The following MOB3B variants were observed in gnomAD, a reference collection of about 807,000 sequenced individuals.
MOB3B encodes the protein MOB kinase activator-like 2B.
Under a neutral mutation model 18.7 loss-of-function variants are expected in MOB3B, and 7 were observed. That is an observed-to-expected ratio of 0.37 (90% CI 0.21 to 0.70). The LOEUF (loss-of-function observed/expected upper bound fraction) is 0.70. Among genes scored for constraint, MOB3B ranks in the 30% least tolerant of loss-of-function variants. The pLI is 0.52. For missense variants in MOB3B, 253 were observed against 281.3 expected (o/e 0.90, Z 0.72); for synonymous variants, 111 against 99.9 (o/e 1.11, Z -0.66).
chr9:27,524,517 C>A (rs375380680), intron 1 of MOB3B: 1 of 1,614,052 alleles, frequency 6.2e-7, no homozygotes, highest in Non-Finnish European at 8.5e-7. Context: ...AGAATGTCTA[C>A]GAGAAAACAT....
At chr9:27,419,280 A>T (rs1441577271) in intron 2 of MOB3B, among the ~76,000 whole-genome samples, 1 of 152,144 alleles carries the variant, frequency 6.6e-6, no homozygotes, top group Non-Finnish European at 1.5e-5. Context: ...TACCACCATC[A>T]TTCTTCACAT....
rs80012099 is a variant in MOB3B, at chr9:27,491,959, T to C, written c.-198-36211A>G. On this transcript the variant is annotated intron_variant, in intron 1 of 3. Transcript: ENST00000262244. ...ATATCACTACTTTTATAGGCATATC[T>C]CTTTTAAAGTCTTGTCTGAGATACC... Among the ~76,000 whole-genome samples, 16 of 152,370 alleles carry C rather than the reference T, an allele frequency of 1.1e-4. No homozygotes were observed. In the East Asian group the frequency reaches 2.7e-3, roughly 26 times the overall value.
chr9:27,480,568 A>G lies in MOB3B; in HGVS notation c.-198-24820T>C, dbSNP rs113090315. Among the ~76,000 whole-genome samples the G allele has an allele frequency of 1.6e-3, 250 of 152,168 alleles. 3 individuals carry two copies. The highest frequency in any genetic ancestry group is 5.3e-3 in the African/African-American group (220 of 41,534). ...GACTGCCTCAGCCTCCCAAAGTGCT[A>G]GGATTACAGATGTGAGCCACCGTGC... is the stretch of plus-strand genomic sequence containing the variant. On this transcript the variant is annotated intron_variant, in intron 1 of 3. Transcript: ENST00000262244.
chr9:27,463,408 C>G (rs577716820), intron 1 of MOB3B, among the ~76,000 whole-genome samples: 1 of 152,024 alleles, frequency 6.6e-6, no homozygotes, highest in Non-Finnish European at 1.5e-5. Context: ...CTTAAAAGTG[C>G]CTCTTTAGAC....
At chr9:27,398,823 C>A (rs1398510560) in intron 2 of MOB3B, among the ~76,000 whole-genome samples, 3 of 152,150 alleles carry the variant, frequency 2.0e-5, no homozygotes, top group African/African-American at 7.2e-5. Flanking sequence ...AAGAGAGATA[C>A]CAGGGACTGT....
chr9:27,472,761 T>C (rs926335431), intron 1 of MOB3B, among the ~76,000 whole-genome samples: 3 of 151,660 alleles, frequency 2.0e-5, no homozygotes, highest in Non-Finnish European at 4.4e-5. Context: ...ATGATTCTAA[T>C]TCCTTTTGGA....
At chr9:27,426,686 C>T (rs78865590) in intron 2 of MOB3B, among the ~76,000 whole-genome samples, 1 of 152,198 alleles carries the variant, frequency 6.6e-6, no homozygotes, top group African/African-American at 2.4e-5. Context: ...CACTGTCCCC[C>T]CCTGCCCGAC....
At chr9:27,363,699 T>C (rs926059840) in intron 2 of MOB3B, among the ~76,000 whole-genome samples, 49 of 152,264 alleles carry the variant, frequency 3.2e-4, no homozygotes, top group African/African-American at 1.2e-3. Context: ...CTATAGGTTC[T>C]ATGGTGTCAG....
At chr9:27,524,757 G>A in intron 1 of MOB3B, 1 of 1,613,854 alleles carries the variant, frequency 6.2e-7, no homozygotes, top group Admixed American at 1.7e-5. Context: ...AGACATGAAA[G>A]AAATGAAAGA....
At chr9:27,378,216 A>T (rs1821519597) in intron 2 of MOB3B, 2 of 376,526 alleles carry the variant, frequency 5.3e-6, no homozygotes, top group Admixed American at 6.2e-5. Flanking sequence ...TTTCTGACCT[A>T]CACAATGAGT....
intron 3 of MOB3B, among the ~76,000 whole-genome samples, chr9:27,346,028 A>C (rs1022028260): frequency 6.6e-6 from 1 of 152,178 alleles, no homozygotes; most frequent in Non-Finnish European, 1.5e-5. Context: ...CCAGTGTAAT[A>C]GTATTAAGAG....
intron 2 of MOB3B, among the ~76,000 whole-genome samples, chr9:27,368,012 G>C (rs896609900): frequency 2.0e-5 from 3 of 152,032 alleles, no homozygotes; most frequent in Non-Finnish European, 2.9e-5. Context: ...TAATAAGAGG[G>C]ATGTGAAAAT....
At chr9:27,409,209 G>T (rs558359883) in intron 2 of MOB3B, among the ~76,000 whole-genome samples, 4 of 152,290 alleles carry the variant, frequency 2.6e-5, no homozygotes, top group Admixed American at 6.5e-5. Flanking sequence ...TATGGATCAG[G>T]GATATGTTGG....
intron 2 of MOB3B, among the ~76,000 whole-genome samples, chr9:27,418,373 A>AT (rs1279079386): frequency 6.6e-6 from 1 of 152,040 alleles, no homozygotes; most frequent in Non-Finnish European, 1.5e-5. Flanking sequence ...CCAGGAAAAA[A>AT]TATAACCAAA....
intron 1 of MOB3B, among the ~76,000 whole-genome samples, chr9:27,498,693 A>G (rs570276520): frequency 6.6e-6 from 1 of 152,350 alleles, no homozygotes; most frequent in East Asian, 1.9e-4. Flanking sequence ...CTGGGGTCTC[A>G]TCCCAGAGAC....
At chr9:27,400,523 T>A (rs1157253359) in intron 2 of MOB3B, among the ~76,000 whole-genome samples, 1 of 152,238 alleles carries the variant, frequency 6.6e-6, no homozygotes. Flanking sequence ...GGTAAAGCCT[T>A]CCCTAATGTC....
intron 2 of MOB3B, among the ~76,000 whole-genome samples, chr9:27,362,403 T>C (rs1311692393): frequency 6.6e-6 from 1 of 152,156 alleles, no homozygotes; most frequent in Admixed American, 6.5e-5. Flanking sequence ...ATTTACTTTG[T>C]AGTGTTTTTA....
intron 1 of MOB3B, among the ~76,000 whole-genome samples, chr9:27,470,978 C>T (rs1028618304): frequency 1.3e-5 from 2 of 152,052 alleles, no homozygotes; most frequent in African/African-American, 4.8e-5. Context: ...GTGGTGGCTG[C>T]TGAAGGAAAA....
chr9:27,390,102 G>T (rs1178274573), intron 2 of MOB3B, among the ~76,000 whole-genome samples: 5 of 152,036 alleles, frequency 3.3e-5, no homozygotes, highest in East Asian at 1.9e-4. Flanking sequence ...ATTTGAGACG[G>T]AGTCTCGCTA....
Sources: allele counts gnomAD v4.1 joint callset (sites outside exome capture counted in the v4.1 genomes callset), GRCh38; gene constraint gnomAD v4.1.1; transcripts MANE v1.5; gene names NCBI Gene and HGNC (gene_info 2026-07-23, HGNC 2026-07-21).